The following SLC25A31 variants were observed in gnomAD, a reference collection of about 807,000 sequenced individuals.
SLC25A31 encodes the protein solute carrier family 25 member 31.
A neutral mutation model predicts 36.2 loss-of-function variants in SLC25A31; 40 were observed. The observed-to-expected ratio is 1.10, with a 90% CI of 0.86 to 1.44. The LOEUF (loss-of-function observed/expected upper bound fraction) is 1.44. Ranked by LOEUF, SLC25A31 falls within the 40% of genes most tolerant of loss-of-function variation. The pLI is 0.00. For synonymous variants in SLC25A31, 143 were observed against 149.7 expected, an observed-to-expected ratio of 0.96 and a Z score of 0.32; for missense variants, 350 against 397.1, an observed-to-expected ratio of 0.88 and a Z score of 1.01.
At chr4:127,768,373 C>G (rs1442110299) in intron 4 of SLC25A31, among the ~76,000 whole-genome samples, 2 of 152,000 alleles carry the variant, frequency 1.3e-5, no homozygotes, top group African/African-American at 4.8e-5. Context: ...CATTTCTCCA[C>G]TAGTTTTAAA....
At position 127,730,780 on chromosome 4, in the gene SLC25A31, G is replaced by T. The variant is rs1731507073; in HGVS notation, c.232+3G>T. ...GGTGCGGATTCCTCGCGAGCAGGGT[G>T]CGTCAAGGCAGGCCGCCCCGACAGC... On this transcript the variant is annotated splice_donor_region_variant and intron_variant, in intron 1 of 5. Coordinates refer to ENST00000281154, the MANE Select transcript of SLC25A31 (RefSeq NM_031291.4). 4 of 1,602,828 alleles carry T rather than the reference G, an allele frequency of 2.5e-6. No homozygotes were observed. The highest frequency in any genetic ancestry group is 1.1e-5 in the South Asian group (1 of 90,852).
rs1006044667 is a variant in SLC25A31 at position 127,744,690 on chromosome 4, G to C, written c.251G>C (p.Arg84Pro). 2 of 1,596,738 alleles carry C rather than the reference G, an allele frequency of 1.3e-6. No individual in the cohort carries two copies. Among genetic ancestry groups the C allele is most frequent in the Non-Finnish European group, 1.7e-6 (2 of 1,171,740 alleles). Residue 84 changes from arginine to proline, a missense_variant, in exon 2 of 6, where the codon CGT becomes CCT. By Grantham distance (103) the Arg-to-Pro change is moderately radical (BLOSUM62 -2). Transcript: ENST00000281154. Reference sequence around the variant, plus strand: ...TCTGTAGGTTTCTTCAGTTTTTGGCGTGGCAATTTGGCAAATGTTATTCGG... The same window carrying C: ...TCTGTAGGTTTCTTCAGTTTTTGGCCTGGCAATTTGGCAAATGTTATTCGG... ...PREQGFFSFW[R>P]GNLANVIRYF...
chr4:127,741,841 A>G (rs1021358698), intron 1 of SLC25A31, among the ~76,000 whole-genome samples: 2 of 152,184 alleles, frequency 1.3e-5, no homozygotes, highest in African/African-American at 2.4e-5. Context: ...AAATTTATTC[A>G]TGATTCAGAC....
chr4:127,768,793 C>T lies in SLC25A31; in HGVS notation c.675C>T (p.Ser225=), dbSNP rs776542905. Residue 225 remains serine (S), a synonymous_variant, in exon 5 of 6, where the codon TCC becomes TCT. Transcript: ENST00000281154. ...CAAAGAAAACTCCATTTCTTGTCTC[C>T]TTTTTCATTGCTCAAGTTGTGACTA... ...PKPKKTPFLV[S]FFIAQVVTTC... 2.5e-6 allele frequency: 4 copies of T among 1,607,002 alleles called. No individual in the cohort carries two copies. Among genetic ancestry groups the T allele is most frequent in the Non-Finnish European group, 3.4e-6 (4 of 1,176,608 alleles).
intron 2 of SLC25A31, among the ~76,000 whole-genome samples, chr4:127,757,697 A>T (rs1732056047): frequency 6.6e-6 from 1 of 152,196 alleles, no homozygotes; most frequent in Non-Finnish European, 1.5e-5. Context: ...TCTTTGAGAT[A>T]TCTCCATACT....
At chr4:127,746,733 T>C (rs1185073478) in intron 2 of SLC25A31, among the ~76,000 whole-genome samples, 1 of 152,246 alleles carries the variant, frequency 6.6e-6, no homozygotes, top group African/African-American at 2.4e-5. Flanking sequence ...GTCTGTTTAC[T>C]CTGTTGATAG....
chr4:127,772,569 C>T (rs1732383089), intron 5 of SLC25A31, among the ~76,000 whole-genome samples: 1 of 151,692 alleles, frequency 6.6e-6, no homozygotes, highest in Non-Finnish European at 1.5e-5. Flanking sequence ...CTTGTTTTTA[C>T]TTTCTTTAGG....
Position 127,768,661 on chromosome 4 carries a change from T to C in SLC25A31, c.634-91T>C. The C allele has an allele frequency of 4.4e-6, 5 of 1,146,040 alleles. No homozygotes were observed. The South Asian group carries it at 1.1e-4, about 25-fold the overall frequency. 71.0% of individuals were successfully genotyped at this position (1,146,040 alleles called of 1,614,324 possible). A position where few individuals can be genotyped will look rare whatever the true frequency, so the allele number is the denominator to read the frequency against. On this transcript the variant is annotated intron_variant, in intron 4 of 5. Transcript: ENST00000281154. ...GCATTTTAAGTATAATTGGGCCCTC[T>C]TTCATATATTTATAAAAATTATCCT...
chr4:127,732,313 G>A (rs1004191250), intron 1 of SLC25A31, among the ~76,000 whole-genome samples: 1 of 152,168 alleles, frequency 6.6e-6, no homozygotes, highest in Admixed American at 6.5e-5. Context: ...CAGACCTGTG[G>A]CGTGGAGTAT....
intron 5 of SLC25A31, among the ~76,000 whole-genome samples, chr4:127,771,061 A>G (rs1230362833): frequency 1.3e-5 from 2 of 149,732 alleles, no homozygotes; most frequent in Non-Finnish European, 3.0e-5. Context: ...GGTTCTAGCA[A>G]TTCTCCTGCC....
intron 3 of SLC25A31, among the ~76,000 whole-genome samples, chr4:127,765,831 C>G (rs765870004): frequency 2.0e-5 from 3 of 152,108 alleles, no homozygotes; most frequent in Non-Finnish European, 4.4e-5. Context: ...TGAGTTTCAT[C>G]TATTTAACTG....
intron 5 of SLC25A31, 28 bp from the exon 6 acceptor site, chr4:127,773,358 G>A (rs1388701327): frequency 4.4e-6 from 7 of 1,581,176 alleles, no homozygotes; most frequent in Non-Finnish European, 6.0e-6. Context: ...TTCAGATAAT[G>A]GAAAACCCTT....
Position 127,773,725 on chromosome 4 carries a change from A to G in SLC25A31, c.*151A>G, listed in dbSNP as rs1325647949. ...AAGCATACATTTTTTCAAGAATTTA[A>G]ATACTAAAAATCAGATAAATGTGGA... On this transcript the variant is annotated 3_prime_UTR_variant, in exon 6 of 6. Coordinates refer to ENST00000281154, the MANE Select transcript of SLC25A31 (RefSeq NM_031291.4). The G allele has an allele frequency of 1.4e-5, 8 of 564,246 alleles. No homozygotes were observed. The East Asian group carries it at 2.3e-4, about 16-fold the overall frequency. The allele number at this position is 564,246 out of a possible 1,614,324, so 35.0% of individuals were successfully genotyped here.
chr4:127,768,873 T>C lies in SLC25A31; in HGVS notation c.755T>C (p.Met252Thr). ...GACACAGTTAGAAGACGTATGATGA[T>C]GCAGGTATTTTATGTTATTGTTTCT... ...PFDTVRRRMMMQSGEAKRQYK... is the reference protein window; with the variant it reads ...PFDTVRRRMMTQSGEAKRQYK... Residue 252 changes from methionine to threonine, a missense_variant, in exon 5 of 6, where the codon ATG becomes ACG. Coordinates refer to ENST00000281154, the MANE Select transcript of SLC25A31 (RefSeq NM_031291.4). The C allele has an allele frequency of 6.3e-7, 1 of 1,589,010 alleles. No individual in the cohort carries two copies. The highest frequency in any genetic ancestry group is 8.5e-7 in the Non-Finnish European group (1 of 1,171,650).
intron 1 of SLC25A31, among the ~76,000 whole-genome samples, chr4:127,735,911 A>G (rs1257344658): frequency 9.4e-6 from 1 of 105,824 alleles, no homozygotes; most frequent in Non-Finnish European, 1.9e-5. Flanking sequence ...TTTTTTTGAG[A>G]CGGAGTCTCG....
chr4:127,763,605 A>G lies in SLC25A31; in HGVS notation c.361-638A>G, dbSNP rs183849470. On this transcript the variant is annotated intron_variant, in intron 2 of 5. Transcript: ENST00000281154. ...ACTTCTTCAATAGCTCATGTGAACT[A>G]GTAGACCAGTGAGGCCTAACTTAAA... is the stretch of plus-strand genomic sequence containing the variant. 2.6e-5 allele frequency among the ~76,000 whole-genome samples: 4 copies of G among 152,366 alleles called. No individual in the cohort carries two copies. The East Asian group carries it at 5.8e-4, about 22-fold the overall frequency.
At chr4:127,732,646 A>G (rs747795408) in intron 1 of SLC25A31, among the ~76,000 whole-genome samples, 5 of 152,212 alleles carry the variant, frequency 3.3e-5, no homozygotes, top group South Asian at 4.1e-4. Context: ...AAACGTATTC[A>G]ATATGGCCCT....
At position 127,730,562 on chromosome 4, in the gene SLC25A31, C is replaced by T; in HGVS notation, c.17C>T (p.Ala6Val). The T allele has an allele frequency of 6.2e-7, 1 of 1,613,808 alleles. No homozygotes were observed. Among genetic ancestry groups the T allele is most frequent in the Non-Finnish European group, 8.5e-7 (1 of 1,179,700 alleles). The change falls in exon 1 of 6, where the codon GCG becomes GTG. Residue 6 changes from alanine to valine, a missense_variant. Ala to Val is a moderately conservative substitution (Grantham distance 64). Coordinates refer to ENST00000281154, the MANE Select transcript of SLC25A31 (RefSeq NM_031291.4). MHREP[A>V]KKKAEKRLFD... ...TTCTCCATCATGCATCGTGAGCCTG[C>T]GAAAAAGAAGGCAGAAAAGCGGCTG...
chr4:127,750,411 T>G (rs1227876093), intron 2 of SLC25A31, among the ~76,000 whole-genome samples: 1 of 152,218 alleles, frequency 6.6e-6, no homozygotes, highest in African/African-American at 2.4e-5. Context: ...CCTTGACTCA[T>G]GATGGGATTA....
Sources: allele counts gnomAD v4.1 joint callset (sites outside exome capture counted in the v4.1 genomes callset), GRCh38; gene constraint gnomAD v4.1.1; transcripts MANE v1.5; gene names NCBI Gene and HGNC (gene_info 2026-07-23, HGNC 2026-07-21).